CNGB3: variants seen among roughly 807,000 people sequenced by gnomAD.
The protein encoded by CNGB3 is cyclic nucleotide gated channel subunit beta 3.
In CNGB3, 86 loss-of-function variants were observed where a neutral mutation model predicts 92.8. That is an observed-to-expected ratio of 0.93 (90% CI 0.78 to 1.11). The LOEUF (loss-of-function observed/expected upper bound fraction) is 1.11, where lower values mean the gene tolerates loss of function less well. CNGB3 is among the 50% of genes least tolerant of loss of function. The pLI is 0.00. For synonymous variants in CNGB3, 333 were observed against 332.7 expected (o/e 1.00, Z -0.01); for missense variants, 1,026 against 956.8 (o/e 1.07, Z -0.95).
At chr8:86,708,844 C>G (rs1032514688) in intron 3 of CNGB3, among the ~76,000 whole-genome samples, 13 of 152,050 alleles carry the variant, frequency 8.5e-5, no homozygotes, top group Non-Finnish European at 1.8e-4. Flanking sequence ...GCTTTCATAA[C>G]AGTAGAAGCT....
At chr8:86,726,248 T>C (rs562619944) in intron 3 of CNGB3, among the ~76,000 whole-genome samples, 21 of 152,348 alleles carry the variant, frequency 1.4e-4, no homozygotes, top group Non-Finnish European at 2.6e-4. Flanking sequence ...GTTTCCATAA[T>C]GATACAATGA....
chr8:86,611,744 G>A, intron 13 of CNGB3, 73 bp from the exon 14 acceptor site: 3 of 1,058,050 alleles, frequency 2.8e-6, no homozygotes, highest in Non-Finnish European at 4.4e-6. Context: ...AAAACTCAAT[G>A]AAAATAAACA....
rs527539023 is a variant in CNGB3, at chr8:86,643,970, T to A, written c.1056-97A>T. The A allele has an allele frequency of 3.0e-5, 41 of 1,345,856 alleles. 1 individual carries two copies. The African/African-American group carries it at 5.4e-4, about 18-fold the overall frequency. 83.4% of individuals were successfully genotyped at this position (1,345,856 alleles called of 1,614,324 possible). A position where few individuals can be genotyped will look rare whatever the true frequency, so the allele number is the denominator to read the frequency against. ...TTCCTTAAAGTCACCAGCGAACCCC[T>A]TGCTTTGGATTTGTGAACTGTTAAC... is the stretch of plus-strand genomic sequence containing the variant. On this transcript the variant is annotated intron_variant, in intron 9 of 17. Transcript: ENST00000320005.
chr8:86,603,084 A>G (rs370847648), intron 15 of CNGB3, among the ~76,000 whole-genome samples: 12 of 152,170 alleles, frequency 7.9e-5, no homozygotes, highest in African/African-American at 2.9e-4. Flanking sequence ...TTCAAATCTC[A>G]GGTCAAATAT....
chr8:86,589,766 G>A (rs1821985052), intron 15 of CNGB3, among the ~76,000 whole-genome samples: 1 of 151,832 alleles, frequency 6.6e-6, no homozygotes, highest in Admixed American at 6.6e-5. Context: ...CAAGTATGTG[G>A]TCAATTTTGG....
chr8:86,644,684 GTAC>G lies in CNGB3; in HGVS notation c.991-1_992del, dbSNP rs755733512. ...GATGATTAAATTCAAAAAATGAAGT[GTAC>G]TATATAGAAAAGCAAAAGAAATCCA... On this transcript the variant is annotated splice_acceptor_variant and coding_sequence_variant, in exon 9 of 18. Transcript: ENST00000320005. LOFTEE classifies it high-confidence loss of function. 3.2e-6 allele frequency: 5 copies of G among 1,557,700 alleles called. No homozygotes were observed. In the Admixed American group the frequency reaches 8.8e-5, roughly 28 times the overall value.
At chr8:86,699,896 CT>C (rs1343688781) in intron 3 of CNGB3, among the ~76,000 whole-genome samples, 4 of 152,092 alleles carry the variant, frequency 2.6e-5, no homozygotes, top group Non-Finnish European at 2.9e-5. Flanking sequence ...TCCTTTCCTA[CT>C]TTTTTTCTCC....
At chr8:86,680,591 A>T (rs760879157) in intron 3 of CNGB3, among the ~76,000 whole-genome samples, 6 of 152,170 alleles carry the variant, frequency 3.9e-5, no homozygotes, top group Non-Finnish European at 7.4e-5. Context: ...ATTTTCCTCT[A>T]GGTGGTGAGA....
At chr8:86,638,555 A>C (rs1823118234) in intron 10 of CNGB3, among the ~76,000 whole-genome samples, 1 of 152,072 alleles carries the variant, frequency 6.6e-6, no homozygotes, top group African/African-American at 2.4e-5. Context: ...TAAACTTATT[A>C]CTGGAAGCAA....
At chr8:86,699,889 T>C (rs62525677) in intron 3 of CNGB3, among the ~76,000 whole-genome samples, 7 of 152,288 alleles carry the variant, frequency 4.6e-5, no homozygotes, top group Non-Finnish European at 8.8e-5. Context: ...GTTTATTTCC[T>C]TTCCTACTTT....
At chr8:86,660,463 C>T in intron 6 of CNGB3, 1 of 515,006 alleles carries the variant, frequency 1.9e-6, no homozygotes, top group Non-Finnish European at 4.0e-6. Context: ...GCCCATTGGT[C>T]AATGAGAAAG....
At chr8:86,588,748 T>A (rs1821954038) in intron 15 of CNGB3, among the ~76,000 whole-genome samples, 1 of 151,146 alleles carries the variant, frequency 6.6e-6, no homozygotes, top group Non-Finnish European at 1.5e-5. Context: ...GCCAGTATTT[T>A]ATTGAGGATT....
chr8:86,635,061 G>A (rs1414905156), intron 10 of CNGB3, among the ~76,000 whole-genome samples: 1 of 151,376 alleles, frequency 6.6e-6, no homozygotes, highest in Non-Finnish European at 1.5e-5. Flanking sequence ...GAATAAAAAT[G>A]TTACCACTGT....
At chr8:86,620,908 G>GT (rs66846465) in intron 13 of CNGB3, among the ~76,000 whole-genome samples, 1 of 151,660 alleles carries the variant, frequency 6.6e-6, no homozygotes, top group East Asian at 1.9e-4. Context: ...AAAAAAAAAA[G>GT]TTTTTTTCAT....
chr8:86,739,628 T>A, intron 2 of CNGB3, 27 bp downstream of exon 2: 1 of 1,598,492 alleles, frequency 6.3e-7, no homozygotes, highest in Middle Eastern at 1.7e-4. Context: ...TAGTTTTTTT[T>A]TTTTTTTTTT....
At chr8:86,663,798 C>T (rs1298220895) in intron 6 of CNGB3, among the ~76,000 whole-genome samples, 1 of 152,178 alleles carries the variant, frequency 6.6e-6, no homozygotes, top group East Asian at 1.9e-4. Context: ...TTTGAACAAA[C>T]AAAGCAATTA....
chr8:86,679,483 AG>A (rs1182418529), intron 3 of CNGB3, among the ~76,000 whole-genome samples: 1 of 152,012 alleles, frequency 6.6e-6, no homozygotes, highest in Non-Finnish European at 1.5e-5. Context: ...CTAATCTGAT[AG>A]GATTGATAGG....
chr8:86,623,211 G>A (rs1384840792), intron 13 of CNGB3, among the ~76,000 whole-genome samples: 1 of 152,114 alleles, frequency 6.6e-6, no homozygotes, highest in Non-Finnish European at 1.5e-5. Flanking sequence ...CTCCAGCTTG[G>A]ACGTCTCCCC....
intron 15 of CNGB3, among the ~76,000 whole-genome samples, chr8:86,595,857 G>A (rs1822161175): frequency 6.6e-6 from 1 of 152,136 alleles, no homozygotes; most frequent in Non-Finnish European, 1.5e-5. Context: ...GTTTTAAGAT[G>A]ATTTGTCAAA....
Sources: gnomAD v4.1 joint callset for allele counts (sites outside exome capture counted in the v4.1 genomes callset) on GRCh38, gnomAD v4.1.1 for gene constraint, MANE v1.5 for transcripts, NCBI Gene and HGNC (gene_info 2026-07-23, HGNC 2026-07-21) for gene names.